FSTL4: variants seen among roughly 807,000 people sequenced by gnomAD.
FSTL4 encodes the protein follistatin-related protein 4.
Under a neutral mutation model 78.2 loss-of-function variants are expected in FSTL4, and 28 were observed. That is an observed-to-expected ratio of 0.36 (90% CI 0.27 to 0.49). FSTL4 has a LOEUF of 0.49. FSTL4 is among the 20% of genes least tolerant of loss of function. The pLI is 0.98. For synonymous variants in FSTL4, 422 were observed against 440.5 expected, an observed-to-expected ratio of 0.96 and a Z score of 0.53; for missense variants, 922 against 1,084.9, an observed-to-expected ratio of 0.85 and a Z score of 2.11.
chr5:133,388,674 A>G (rs974018611), intron 4 of FSTL4: 1 of 151,862 alleles, frequency 6.6e-6, no homozygotes, highest in African/African-American at 2.4e-5. Flanking sequence ...AATGTCAGCA[A>G]TTATATTTTG....
intron 6 of FSTL4, among the ~76,000 whole-genome samples, chr5:133,300,168 C>T (rs929493646): frequency 3.9e-5 from 6 of 152,112 alleles, no homozygotes; most frequent in Non-Finnish European, 5.9e-5. Flanking sequence ...GCAGGATGGC[C>T]GGATCCAGCT....
chr5:133,356,704 A>T (rs1174573678), intron 4 of FSTL4, among the ~76,000 whole-genome samples: 4 of 152,268 alleles, frequency 2.6e-5, no homozygotes, highest in Non-Finnish European at 5.9e-5. Flanking sequence ...TTAAAGGGAA[A>T]AAAAGCATGA....
chr5:133,349,980 T>C (rs112554390), intron 4 of FSTL4, among the ~76,000 whole-genome samples: 12,571 of 138,874 alleles, frequency 0.091, 636 homozygotes, highest in African/African-American at 0.15. Context: ...GCCATGCGAC[T>C]GTAAAGGACC....
At chr5:133,792,333 G>A in the FSTL4 span, among the ~76,000 whole-genome samples, 1 of 152,148 alleles carries the variant, frequency 6.6e-6, no homozygotes, top group Non-Finnish European at 1.5e-5. Context: ...GGTCTGCCAG[G>A]CACCACACTC....
At chr5:133,653,970 T>C in the FSTL4 span, among the ~76,000 whole-genome samples, 33,146 of 152,152 alleles carry the variant, frequency 0.22, 3,822 homozygotes, top group Admixed American at 0.29. Flanking sequence ...CATTTGCTCA[T>C]GCAAGCTTTC....
intron 3 of FSTL4, among the ~76,000 whole-genome samples, chr5:133,490,254 A>T (rs1485876917): frequency 6.6e-6 from 1 of 151,982 alleles, no homozygotes; most frequent in Non-Finnish European, 1.5e-5. Flanking sequence ...TAACAAACTG[A>T]TCTACTTCTT....
intron 6 of FSTL4, among the ~76,000 whole-genome samples, chr5:133,285,309 G>A (rs1753104501): frequency 6.6e-6 from 1 of 152,218 alleles, no homozygotes; most frequent in Non-Finnish European, 1.5e-5. Flanking sequence ...CTAAAATCTT[G>A]TAATAGTAAT....
chr5:133,407,462 C>G (rs2126976946), intron 3 of FSTL4, among the ~76,000 whole-genome samples: 1 of 152,322 alleles, frequency 6.6e-6, no homozygotes, highest in Middle Eastern at 3.4e-3. Context: ...TTGACCAGTT[C>G]TGAAAGACTT....
At chr5:133,370,369 A>C (rs752636784) in intron 4 of FSTL4, among the ~76,000 whole-genome samples, 1 of 151,958 alleles carries the variant, frequency 6.6e-6, no homozygotes, top group Non-Finnish European at 1.5e-5. Context: ...CAGCCTCTCT[A>C]AAAGTGAAGC....
chr5:133,481,396 G>C (rs949973731), intron 3 of FSTL4, among the ~76,000 whole-genome samples: 8 of 151,978 alleles, frequency 5.3e-5, no homozygotes, highest in Non-Finnish European at 1.2e-4. Context: ...ACAAAAATTA[G>C]GTGGGCATGG....
At chr5:133,417,307 A>G (rs912669162) in intron 3 of FSTL4, among the ~76,000 whole-genome samples, 3 of 152,102 alleles carry the variant, frequency 2.0e-5, no homozygotes, top group Non-Finnish European at 2.9e-5. Context: ...ACAGGTCAAT[A>G]ATAAAAAAGG....
intron 3 of FSTL4, among the ~76,000 whole-genome samples, chr5:133,529,269 A>G (rs1759201344): frequency 6.6e-6 from 1 of 152,228 alleles, no homozygotes; most frequent in South Asian, 2.1e-4. Context: ...CTTGCCCAAA[A>G]TATTAACAAC....
chr5:133,277,773 C>T (rs1342506054), intron 6 of FSTL4, among the ~76,000 whole-genome samples: 1 of 152,128 alleles, frequency 6.6e-6, no homozygotes, highest in Non-Finnish European at 1.5e-5. Flanking sequence ...GCTTTCTTCC[C>T]CCACCGGCAT....
the FSTL4 span, among the ~76,000 whole-genome samples, chr5:133,701,800 G>A: frequency 1.4e-4 from 22 of 152,284 alleles, no homozygotes; most frequent in Admixed American, 3.9e-4. Context: ...AAACGCATGA[G>A]TGTGTGCCCC....
intron 13 of FSTL4, chr5:133,210,884 AG>A (rs1332278591): frequency 1.3e-5 from 2 of 152,224 alleles, no homozygotes; most frequent in African/African-American, 4.8e-5. Flanking sequence ...CTGAACACAG[AG>A]GCTAAGTTTT....
At chr5:133,382,097 AG>A (rs1206619297) in intron 4 of FSTL4, among the ~76,000 whole-genome samples, 1 of 152,190 alleles carries the variant, frequency 6.6e-6, no homozygotes, top group African/African-American at 2.4e-5. Flanking sequence ...TGGGCTCAGC[AG>A]GGTCTGCCCA....
chr5:133,396,628 T>C (rs1252742514), intron 4 of FSTL4, among the ~76,000 whole-genome samples: 3 of 152,204 alleles, frequency 2.0e-5, no homozygotes, highest in Non-Finnish European at 4.4e-5. Flanking sequence ...CAGAGAATAC[T>C]TGTGGAAGTA....
At chr5:133,247,050 G>A (rs1434629072) in intron 7 of FSTL4, 1 of 152,240 alleles carries the variant, frequency 6.6e-6, no homozygotes, top group African/African-American at 2.4e-5. Flanking sequence ...AGGAAGCTGT[G>A]CCGCCTCCTT....
chr5:133,809,890 T>G, the FSTL4 span, among the ~76,000 whole-genome samples: 1 of 152,228 alleles, frequency 6.6e-6, no homozygotes, highest in African/African-American at 2.4e-5. Flanking sequence ...GAGCACCTGC[T>G]ATTTTCCAGG....
Sources: allele counts gnomAD v4.1 joint callset (sites outside exome capture counted in the v4.1 genomes callset), GRCh38; gene constraint gnomAD v4.1.1; transcripts MANE v1.5; gene names NCBI Gene and HGNC (gene_info 2026-07-23, HGNC 2026-07-21).